The following TRIP12 variants were observed in gnomAD, a reference collection of about 807,000 sequenced individuals.
TRIP12 encodes the protein thyroid hormone receptor interactor 12, also known as E3 ubiquitin-protein ligase TRIP12.
A neutral mutation model predicts 244.2 loss-of-function variants in TRIP12; 25 were observed. The ratio of observed to expected loss-of-function variants is 0.10; its 90% CI spans 0.07 to 0.14. The LOEUF (loss-of-function observed/expected upper bound fraction) is 0.14, where lower values mean the gene tolerates loss of function less well. TRIP12 is among the 10% of genes least tolerant of loss of function. The probability of loss-of-function intolerance (pLI) is 1.00; values close to 1 mark genes in which losing one functional copy is unlikely to be tolerated. For missense variants in TRIP12, 1,677 were observed against 2,486.4 expected (o/e 0.67, Z 6.92); for synonymous variants, 905 against 873.1 (o/e 1.04, Z -0.64).
At chr2:229,819,477 A>G (rs1279702263) in intron 8 of TRIP12, among the ~76,000 whole-genome samples, 5 of 152,212 alleles carry the variant, frequency 3.3e-5, no homozygotes, top group African/African-American at 1.2e-4. Flanking sequence ...CCTGAGAGGC[A>G]GAGGTTGCAG....
intron 15 of TRIP12, 29 bp downstream of exon 15, chr2:229,810,851 T>C: frequency 6.2e-7 from 1 of 1,608,214 alleles, no homozygotes; most frequent in Non-Finnish European, 8.5e-7. Flanking sequence ...CTTTTCCTGC[T>C]TAAAGTAGAA....
intron 1 of TRIP12, among the ~76,000 whole-genome samples, chr2:229,893,375 C>T (rs2067880986): frequency 6.6e-6 from 1 of 152,200 alleles, no homozygotes; most frequent in South Asian, 2.1e-4. Flanking sequence ...CAAACACACA[C>T]ACCTATGTAA....
chr2:229,856,390 T>C (rs1217291633), intron 4 of TRIP12, among the ~76,000 whole-genome samples: 1 of 152,232 alleles, frequency 6.6e-6, no homozygotes, highest in East Asian at 1.9e-4. Context: ...GCCAAAACTC[T>C]TGGTGTTTCC....
intron 22 of TRIP12, 112 bp from the exon 23 acceptor site, chr2:229,799,161 A>G: frequency 6.7e-7 from 1 of 1,498,834 alleles, no homozygotes. Flanking sequence ...AGAACTAAGA[A>G]CACTTAGTCC....
At chr2:229,908,107 T>TA in intron 1 of TRIP12, among the ~76,000 whole-genome samples, 1 of 152,302 alleles carries the variant, frequency 6.6e-6, no homozygotes, top group South Asian at 2.1e-4. Flanking sequence ...CAGACTGTGC[T>TA]AAGCTATATA....
chr2:229,798,155 C>CTGGAGAA lies in TRIP12; in HGVS notation c.3483-325_3483-324insTTCTCCA, dbSNP rs2043280177. ...TAAAGTACATACATATCTGCATTATCCTTAACTTGTGTTTCCTGGAGAGCT... is the reference window on the plus strand; with the variant it reads ...TAAAGTACATACATATCTGCATTATCTGGAGAACTTAACTTGTGTTTCCTGGAGAGCT... On this transcript the variant is annotated intron_variant, in intron 23 of 41. Coordinates refer to ENST00000675903, the MANE Select transcript of TRIP12 (RefSeq NM_001348323.3). 3.3e-5 allele frequency among the ~76,000 whole-genome samples: 5 copies of CTGGAGAA among 152,260 alleles called. No homozygotes were observed. In the South Asian group the frequency reaches 8.3e-4, roughly 25 times the overall value.
At chr2:229,882,186 A>G (rs775687928) in intron 1 of TRIP12, among the ~76,000 whole-genome samples, 18 of 152,238 alleles carry the variant, frequency 1.2e-4, no homozygotes, top group Non-Finnish European at 2.4e-4. Context: ...TACTCAATAC[A>G]GTGCCAATCA....
chr2:229,796,779 C>T lies in TRIP12; in HGVS notation c.3628G>A (p.Asp1210Asn). ...AATEQLNLQV[D>N]GGAECLVEIR... ...TCTACAAGGCACTCAGCTCCACCATCCACCTGAAAGAGTTAGGAAAAGTAT... is the reference window on the plus strand; with the variant it reads ...TCTACAAGGCACTCAGCTCCACCATTCACCTGAAAGAGTTAGGAAAAGTAT... The change falls in exon 25 of 42, where the codon GAT (aspartate) becomes AAT (asparagine). Residue 1210 changes from aspartate (D) to asparagine (N), a missense_variant. Transcript: ENST00000675903. 1 of 1,572,182 alleles carries T rather than the reference C, an allele frequency of 6.4e-7. No homozygotes were observed. Among genetic ancestry groups the T allele is most frequent in the African/African-American group, 1.4e-5 (1 of 72,988 alleles).
chr2:229,845,489 A>G (rs1252979379), intron 4 of TRIP12, among the ~76,000 whole-genome samples: 1 of 152,154 alleles, frequency 6.6e-6, no homozygotes, highest in Admixed American at 6.5e-5. Flanking sequence ...AATATTTACT[A>G]TATGGCCATT....
intron 2 of TRIP12, among the ~76,000 whole-genome samples, chr2:229,867,829 T>C (rs912628541): frequency 1.3e-5 from 2 of 152,204 alleles, no homozygotes; most frequent in African/African-American, 4.8e-5. Flanking sequence ...AATTCCAAAC[T>C]TGATTAAAAT....
chr2:229,817,724 G>T (rs2048858279), intron 9 of TRIP12, among the ~76,000 whole-genome samples: 1 of 152,092 alleles, frequency 6.6e-6, no homozygotes, highest in African/African-American at 2.4e-5. Context: ...CTCCTGAGTA[G>T]CTGAGATCTA....
In TRIP12 at chr2:229,764,305, AG is replaced by A. The variant is rs1341518500; in HGVS notation, c.*3248del. On this transcript the variant is annotated 3_prime_UTR_variant, in exon 42 of 42. Transcript: ENST00000675903. ...ATGTCAAACCTAAGACTTATACAAAAGCATTTCTCAGAGAATCATAAATACA... is the reference window on the plus strand; with the variant it reads ...ATGTCAAACCTAAGACTTATACAAAACATTTCTCAGAGAATCATAAATACA... 1.3e-5 allele frequency: 2 copies of A among 152,240 alleles called. No homozygotes were observed. Among genetic ancestry groups the A allele is most frequent in the African/African-American group, 4.8e-5 (2 of 41,462 alleles). The allele number at this position is 152,240 out of a possible 1,614,324, so 9.4% of individuals were successfully genotyped here. A position where few individuals can be genotyped will look rare whatever the true frequency, so the allele number is the denominator to read the frequency against.
chr2:229,843,211 T>C (rs902851930), intron 4 of TRIP12, among the ~76,000 whole-genome samples: 8 of 151,958 alleles, frequency 5.3e-5, no homozygotes, highest in Non-Finnish European at 7.4e-5. Context: ...TAGATTAATA[T>C]ACTCTTACCC....
chr2:229,883,358 T>C (rs1334571041), intron 1 of TRIP12, among the ~76,000 whole-genome samples: 1 of 152,256 alleles, frequency 6.6e-6, no homozygotes, highest in Non-Finnish European at 1.5e-5. Flanking sequence ...TAGAATATTC[T>C]GTACTGACTT....
intron 16 of TRIP12, 98 bp from the exon 17 acceptor site, chr2:229,807,962 AT>A: frequency 7.6e-7 from 1 of 1,309,974 alleles, no homozygotes; most frequent in Non-Finnish European, 1.0e-6. Context: ...CAAAAGTTGT[AT>A]TTAGACCAAT....
chr2:229,811,725 A>G (rs1319575440), intron 13 of TRIP12, among the ~76,000 whole-genome samples: 1 of 152,254 alleles, frequency 6.6e-6, no homozygotes, highest in Non-Finnish European at 1.5e-5. Flanking sequence ...ATTTGTCATA[A>G]AAACAGAGTG....
chr2:229,815,651 C>T lies in TRIP12; in HGVS notation c.1600-343G>A, dbSNP rs150157989. On this transcript the variant is annotated intron_variant, in intron 9 of 41. Transcript: ENST00000675903. ...ATATATCCCTGAGGACTTACTAGTG[C>T]TAATAAATACTAGATACATAAATAA... Among the ~76,000 whole-genome samples, 469 of 151,832 alleles carry T rather than the reference C, an allele frequency of 3.1e-3. 4 individuals carry two copies. Among genetic ancestry groups the T allele is most frequent in the African/African-American group, 0.011 (443 of 41,402 alleles).
chr2:229,770,523 T>A (rs889454049), intron 39 of TRIP12, among the ~76,000 whole-genome samples: 9 of 152,360 alleles, frequency 5.9e-5, no homozygotes, highest in African/African-American at 1.7e-4. Flanking sequence ...CTAAAACTAG[T>A]ATTCAAACAA....
At chr2:229,887,269 GA>G (rs2066229454) in intron 1 of TRIP12, among the ~76,000 whole-genome samples, 1 of 152,158 alleles carries the variant, frequency 6.6e-6, no homozygotes, top group African/African-American at 2.4e-5. Flanking sequence ...TCTAAACAAA[GA>G]AGAAAAAGGT....
Sources: gnomAD v4.1 joint callset for allele counts (sites outside exome capture counted in the v4.1 genomes callset) on GRCh38, gnomAD v4.1.1 for gene constraint, MANE v1.5 for transcripts, NCBI Gene and HGNC (gene_info 2026-07-23, HGNC 2026-07-21) for gene names.